FAM227B: variants seen among roughly 807,000 people sequenced by gnomAD.
FAM227B encodes the protein protein FAM227B.
Under a neutral mutation model 73.8 loss-of-function variants are expected in FAM227B, and 88 were observed. The observed-to-expected ratio is 1.19, with a 90% CI of 1.00 to 1.42. The LOEUF (loss-of-function observed/expected upper bound fraction) is 1.42, where lower values mean the gene tolerates loss of function less well. FAM227B is among the 40% of genes most tolerant of loss of function. The pLI, the probability that FAM227B is intolerant of heterozygous loss-of-function variation, is 0.00. For missense variants in FAM227B, 632 were observed against 590.9 expected (o/e 1.07, Z -0.72); for synonymous variants, 210 against 190.5 (o/e 1.10, Z -0.84).
intron 11 of FAM227B, among the ~76,000 whole-genome samples, chr15:49,452,623 T>C (rs2052865202): frequency 6.6e-6 from 1 of 152,160 alleles, no homozygotes; most frequent in African/African-American, 2.4e-5. Context: ...CTTTAGGAAA[T>C]ATAATGAAGA....
intron 11 of FAM227B, among the ~76,000 whole-genome samples, chr15:49,388,225 C>A (rs964017345): frequency 4.0e-5 from 6 of 151,810 alleles, no homozygotes; most frequent in African/African-American, 1.4e-4. Flanking sequence ...TACCGGACTT[C>A]AAATTATACT....
intron 11 of FAM227B, among the ~76,000 whole-genome samples, chr15:49,506,840 A>G (rs745335139): frequency 3.9e-5 from 6 of 152,066 alleles, no homozygotes; most frequent in Non-Finnish European, 8.8e-5. Flanking sequence ...GCTTATGTGA[A>G]AAAAGAAGAA....
At chr15:49,549,652 TCACA>T in intron 9 of FAM227B, among the ~76,000 whole-genome samples, 1 of 151,798 alleles carries the variant, frequency 6.6e-6, no homozygotes, top group Admixed American at 6.6e-5. Flanking sequence ...GGGGGTAAGG[TCACA>T]GATCAACAGG....
chr15:49,571,496 TAA>T (rs1360430355), intron 8 of FAM227B, among the ~76,000 whole-genome samples: 1 of 151,996 alleles, frequency 6.6e-6, no homozygotes, highest in Non-Finnish European at 1.5e-5. Context: ...ATCTGATATT[TAA>T]GTCTTTAATT....
chr15:49,418,699 G>A (rs2151721006), intron 11 of FAM227B, among the ~76,000 whole-genome samples: 1 of 151,990 alleles, frequency 6.6e-6, no homozygotes, highest in Middle Eastern at 3.4e-3. Flanking sequence ...TTAGTGCTTC[G>A]GTGATAATCT....
At chr15:49,587,257 A>G (rs1421321083) in intron 5 of FAM227B, among the ~76,000 whole-genome samples, 1 of 152,190 alleles carries the variant, frequency 6.6e-6, no homozygotes, top group Non-Finnish European at 1.5e-5. Context: ...GCATGTTCTC[A>G]CTTTTAAGTG....
At chr15:49,519,978 G>T (rs1283012705) in intron 10 of FAM227B, among the ~76,000 whole-genome samples, 1 of 150,878 alleles carries the variant, frequency 6.6e-6, no homozygotes, top group Non-Finnish European at 1.5e-5. Flanking sequence ...AATACATAAA[G>T]CTGAATGCTT....
At chr15:49,382,220 C>T (rs1028428591) in intron 11 of FAM227B, among the ~76,000 whole-genome samples, 3 of 151,898 alleles carry the variant, frequency 2.0e-5, no homozygotes, top group Non-Finnish European at 4.4e-5. Flanking sequence ...AAGAATTATA[C>T]TGTCAGATAT....
intron 13 of FAM227B, among the ~76,000 whole-genome samples, chr15:49,355,499 GATGAA>G (rs2042995842): frequency 6.6e-6 from 1 of 152,148 alleles, no homozygotes; most frequent in South Asian, 2.1e-4. Context: ...AGCGATGGAA[GATGAA>G]ATGAATGAAA....
intron 11 of FAM227B, among the ~76,000 whole-genome samples, chr15:49,402,155 C>G (rs924497313): frequency 1.3e-5 from 2 of 152,080 alleles, no homozygotes; most frequent in Non-Finnish European, 2.9e-5. Flanking sequence ...CTCTATAGTT[C>G]TTTTGTATAC....
At chr15:49,379,241 T>G (rs900821460) in intron 11 of FAM227B, among the ~76,000 whole-genome samples, 1 of 152,218 alleles carries the variant, frequency 6.6e-6, no homozygotes, top group African/African-American at 2.4e-5. Context: ...TCAATATTAA[T>G]CAGAGATATT....
At chr15:49,357,025 T>C (rs2043275142) in intron 13 of FAM227B, among the ~76,000 whole-genome samples, 1 of 151,404 alleles carries the variant, frequency 6.6e-6, no homozygotes, top group African/African-American at 2.4e-5. Context: ...AAAGATGCTC[T>C]TTGAAACCAA....
At chr15:49,504,654 G>T (rs57997677) in intron 11 of FAM227B, among the ~76,000 whole-genome samples, 49,747 of 151,676 alleles carry the variant, frequency 0.33, 8,924 homozygotes, top group African/African-American at 0.46. Context: ...CTCACTTGCT[G>T]CTTCTTTCAC....
chr15:49,501,329 C>A (rs527588160), intron 11 of FAM227B, among the ~76,000 whole-genome samples: 46 of 152,318 alleles, frequency 3.0e-4, no homozygotes, highest in African/African-American at 1.1e-3. Context: ...GAAGCCCAGG[C>A]TGATGAGGTC....
At chr15:49,548,247 A>C (rs1488474205) in intron 9 of FAM227B, among the ~76,000 whole-genome samples, 1 of 152,166 alleles carries the variant, frequency 6.6e-6, no homozygotes, top group East Asian at 1.9e-4. Flanking sequence ...AATTTTATCA[A>C]ATGCTTTTTT....
chr15:49,617,446 G>A (rs1052671630), intron 1 of FAM227B, among the ~76,000 whole-genome samples: 3 of 152,108 alleles, frequency 2.0e-5, no homozygotes, highest in Non-Finnish European at 2.9e-5. Flanking sequence ...CAACAGTCTA[G>A]TGAAAAATAG....
chr15:49,453,415 T>A (rs935912870), intron 11 of FAM227B, among the ~76,000 whole-genome samples: 1 of 152,158 alleles, frequency 6.6e-6, no homozygotes, highest in African/African-American at 2.4e-5. Context: ...AGTATAAAAA[T>A]ATTAATGAGA....
rs754254597 is a variant in FAM227B, at chr15:49,589,874, G to C, written c.239C>G (p.Ala80Gly). 3 of 1,605,432 alleles carry C rather than the reference G, an allele frequency of 1.9e-6. No homozygotes were observed. The highest frequency in any genetic ancestry group is 1.1e-5 in the South Asian group (1 of 90,884). ...LWENVPRIFEALLIMESKLKE... is the reference protein window; with the variant it reads ...LWENVPRIFEGLLIMESKLKE... ...TAATTTTGATTCCATGATCAAAAGT[G>C]CTTCAAATATTCGAGGAACATTTTC... Residue 80 changes from alanine (A) to glycine (G), a missense_variant, in exon 4 of 16, where the codon GCA (alanine) becomes GGA (glycine). Physicochemically the swap from Ala to Gly is moderately conservative, Grantham distance 60. Transcript: ENST00000299338.
rs1049660890 is a variant in FAM227B at position 49,516,195 on chromosome 15, A to G, written c.875-7847T>C. Among the ~76,000 whole-genome samples, 8 of 152,150 alleles carry G rather than the reference A, an allele frequency of 5.3e-5. No homozygotes were observed. In the South Asian group the frequency reaches 1.0e-3, roughly 20 times the overall value. ...AGTAGGGGCTTTATCCCTTTCCTTC[A>G]GTGACTGCTCTTCCATTCTCCCAGA... is the stretch of plus-strand genomic sequence containing the variant. On this transcript the variant is annotated intron_variant, in intron 10 of 15. Transcript: ENST00000299338.
Sources: allele counts gnomAD v4.1 joint callset (sites outside exome capture counted in the v4.1 genomes callset), GRCh38; gene constraint gnomAD v4.1.1; transcripts MANE v1.5; gene names NCBI Gene and HGNC (gene_info 2026-07-23, HGNC 2026-07-21).